OTOF: variants seen among roughly 807,000 people sequenced by gnomAD.
OTOF encodes fer-1-like family member 2.
Under a neutral mutation model 236.8 loss-of-function variants are expected in OTOF, and 218 were observed. The observed-to-expected ratio is 0.92, with a 90% CI of 0.82 to 1.03. OTOF has a LOEUF of 1.03. Ranked by LOEUF, OTOF falls within the 50% of genes least tolerant of loss-of-function variation. The pLI, the probability that OTOF is intolerant of heterozygous loss-of-function variation, is 0.00. For synonymous variants in OTOF, 1,041 were observed against 1,072.5 expected (o/e 0.97, Z 0.57); for missense variants, 2,590 against 2,694.4 (o/e 0.96, Z 0.86).
intron 1 of OTOF, among the ~76,000 whole-genome samples, chr2:26,547,085 G>A (rs942592605): frequency 6.6e-6 from 1 of 152,096 alleles, no homozygotes; most frequent in Non-Finnish European, 1.5e-5. Context: ...TGATCTTAAT[G>A]TTCAATATTT....
At chr2:26,518,429 C>T (rs1476022250) in intron 4 of OTOF, among the ~76,000 whole-genome samples, 1 of 152,202 alleles carries the variant, frequency 6.6e-6, no homozygotes, top group Non-Finnish European at 1.5e-5. Context: ...GCCAACTGCC[C>T]ATGAGTGGCC....
chr2:26,545,028 GA>G (rs1308921526), intron 1 of OTOF, among the ~76,000 whole-genome samples: 5 of 132,672 alleles, frequency 3.8e-5, no homozygotes. Flanking sequence ...GTGACAGAAC[GA>G]GATGCCATCC....
At position 26,461,844 on chromosome 2, in the gene OTOF, G is replaced by GA; in HGVS notation, c.5384dup (p.Phe1797LeufsTer45). The GA allele has an allele frequency of 6.2e-7, 1 of 1,614,186 alleles. No homozygotes were observed. Among genetic ancestry groups the GA allele is most frequent in the East Asian group, 2.2e-5 (1 of 44,884 alleles). On this transcript the variant is annotated frameshift_variant, in exon 43 of 47. Transcript: ENST00000272371. LOFTEE classifies it high-confidence loss of function. The surrounding 1 kb of genome is among the most constrained non-coding windows in gnomAD (Gnocchi z 6.2). ...CCTCCGCCGCCAGGTAGTCGAAGGG[G>GA]AACAGGTAGCGCCAGTTGAAGTTGC...
rs542260098 is a variant in OTOF, at chr2:26,480,260, C to T, written c.1855G>A (p.Ala619Thr). The T allele has an allele frequency of 6.1e-5, 98 of 1,612,982 alleles. No individual in the cohort carries two copies. Among genetic ancestry groups the T allele is most frequent in the Non-Finnish European group, 7.0e-5 (83 of 1,179,710 alleles). ...EFFLFGAFLE[A>T]SMIDRRNGDK... ...CCGTTTCTCCGGTCGATCATTGAGGCCTCCAGGAAGGCTCCAAAGAGAAAG... is the reference window on the plus strand; with the variant it reads ...CCGTTTCTCCGGTCGATCATTGAGGTCTCCAGGAAGGCTCCAAAGAGAAAG... Residue 619 changes from alanine (A) to threonine (T), a missense_variant, in exon 16 of 47, where the codon GCC becomes ACC. By Grantham distance (58) the Ala-to-Thr change is moderately conservative (BLOSUM62 0). Around this residue, in one of 2 missense-constraint regions of OTOF, gnomAD observed 1,379 missense variants for 1,341.6 expected, o/e 1.03. Transcript: ENST00000272371.
At position 26,484,521 on chromosome 2, in the gene OTOF, G is replaced by C. The variant is rs988295226; in HGVS notation, c.1158C>G (p.Ile386Met). 6.2e-7 allele frequency: 1 copy of C among 1,614,024 alleles called. No individual in the cohort carries two copies. The highest frequency in any genetic ancestry group is 1.3e-5 in the African/African-American group (1 of 75,054). ...DVAVVGKGDN[I>M]KTPHKANETD... is the part of the protein sequence containing the mutation. ...TCTCATTGGCCTTGTGGGGCGTCTT[G>C]ATGTTGTCCCCTTTGCCCACCACGG... The change falls in exon 12 of 47, where the codon ATC becomes ATG. Residue 386 changes from isoleucine (I) to methionine (M), a missense_variant. This residue lies in a region of OTOF where 1,379 missense variants were observed against 1,341.6 expected (regional missense o/e 1.03). Transcript: ENST00000272371.
chr2:26,514,397 G>T (rs1234879480), intron 5 of OTOF, among the ~76,000 whole-genome samples: 1 of 152,256 alleles, frequency 6.6e-6, no homozygotes, highest in East Asian at 1.9e-4. Flanking sequence ...GTGAGGAAGG[G>T]TCGGGGGAGC....
chr2:26,553,009 C>T (rs894734461), intron 1 of OTOF, among the ~76,000 whole-genome samples: 1 of 152,142 alleles, frequency 6.6e-6, no homozygotes, highest in Non-Finnish European at 1.5e-5. Context: ...CCAGGGGCGG[C>T]AGATAAGTTT....
chr2:26,459,349 G>A (rs1292529474), intron 46 of OTOF, among the ~76,000 whole-genome samples: 1 of 152,162 alleles, frequency 6.6e-6, no homozygotes, highest in South Asian at 2.1e-4. Flanking sequence ...TCAGGAGATC[G>A]AGACCATCCT....
At chr2:26,464,834 G>C in intron 39 of OTOF, 35 bp downstream of exon 39, 2 of 1,589,322 alleles carry the variant, frequency 1.3e-6, no homozygotes, top group Non-Finnish European at 1.7e-6. Flanking sequence ...ACCCCCTGGA[G>C]AGGGGGCAGG....
At chr2:26,527,112 G>A (rs1207912040) in intron 3 of OTOF, among the ~76,000 whole-genome samples, 2 of 152,186 alleles carry the variant, frequency 1.3e-5, no homozygotes, top group African/African-American at 2.4e-5. Flanking sequence ...TAGTGATAAC[G>A]CTCGTATGGC....
chr2:26,464,035 C>G lies in OTOF; in HGVS notation c.5032G>C (p.Gly1678Arg). The G allele has an allele frequency of 5.0e-6, 8 of 1,613,748 alleles. No homozygotes were observed. Among genetic ancestry groups the G allele is most frequent in the Non-Finnish European group, 6.8e-6 (8 of 1,180,026 alleles). ...ACATGCTCTGGCACCAGGCGGCAGCCTGCGCGGGGGATGTCCTCCCAGTGC... is the reference window on the plus strand; with the variant it reads ...ACATGCTCTGGCACCAGGCGGCAGCGTGCGCGGGGGATGTCCTCCCAGTGC... ...LRHWEDIPRA[G>R]CRLVPEHVET... The change falls in exon 40 of 47, where the codon GGC (glycine) becomes CGC (arginine). Residue 1678 changes from glycine to arginine, a missense_variant. This residue lies in a region of OTOF where 1,211 missense variants were observed against 1,352.8 expected (regional missense o/e 0.90). Transcript: ENST00000272371.
At position 26,477,745 on chromosome 2, in the gene OTOF, T is replaced by C; in HGVS notation, c.2219A>G (p.Glu740Gly). Residue 740 changes from glutamate (E) to glycine (G), a missense_variant, in exon 19 of 47, where the codon GAA (glutamate) becomes GGA (glycine). Glu to Gly is a moderately conservative substitution (Grantham distance 98). Coordinates refer to ENST00000272371, the MANE Select transcript of OTOF (RefSeq NM_194248.3). This position sits in a 1 kb window ranked among gnomAD's most constrained non-coding sequence, Gnocchi z 4.7. ...CATCTCCTGTATGTCGTTCAGGCCT[T>C]CTTCCTGTGAATCAGGAGTGTGGGT... ...IMDHIADKLE[E>G]GLNDIQEMIK... 1 of 1,612,712 alleles carries C rather than the reference T, an allele frequency of 6.2e-7. No homozygotes were observed. Among genetic ancestry groups the C allele is most frequent in the Non-Finnish European group, 8.5e-7 (1 of 1,179,926 alleles).
Position 26,473,375 on chromosome 2 carries a change from C to A in OTOF, c.3570+31G>T. ...TGGCTGAGTGGAGCCACACTGGCCACAGGATGTCCTCCGCCAGGGCCTGCA... is the reference window on the plus strand; with the variant it reads ...TGGCTGAGTGGAGCCACACTGGCCAAAGGATGTCCTCCGCCAGGGCCTGCA... On this transcript the variant is annotated intron_variant, in intron 28 of 46. Transcript: ENST00000272371. The surrounding 1 kb of genome is among the most constrained non-coding windows in gnomAD (Gnocchi z 7.2). 6.2e-7 allele frequency: 1 copy of A among 1,613,300 alleles called. No individual in the cohort carries two copies. Among genetic ancestry groups the A allele is most frequent in the Non-Finnish European group, 8.5e-7 (1 of 1,179,972 alleles).
chr2:26,536,716 G>A (rs1174466679), intron 2 of OTOF, among the ~76,000 whole-genome samples: 3 of 152,168 alleles, frequency 2.0e-5, no homozygotes, highest in African/African-American at 4.8e-5. Flanking sequence ...CCAAGCGGGA[G>A]AGCCAACCCC....
intron 9 of OTOF, among the ~76,000 whole-genome samples, chr2:26,491,249 T>A (rs2148068398): frequency 6.6e-6 from 1 of 152,124 alleles, no homozygotes; most frequent in Admixed American, 6.5e-5. Context: ...AACAGCAATG[T>A]CCTTGGTGAC....
At chr2:26,543,529 C>A (rs773142496) in intron 1 of OTOF, among the ~76,000 whole-genome samples, 9 of 152,158 alleles carry the variant, frequency 5.9e-5, no homozygotes, top group Non-Finnish European at 1.2e-4. Context: ...AGTTCAAATC[C>A]CAGCTGCCTC....
At chr2:26,549,694 A>G (rs1485297532) in intron 1 of OTOF, among the ~76,000 whole-genome samples, 2 of 152,196 alleles carry the variant, frequency 1.3e-5, no homozygotes, top group Non-Finnish European at 2.9e-5. Context: ...TGGGTCAGGG[A>G]TTCATCTGAG....
chr2:26,550,752 G>C (rs1667440929), intron 1 of OTOF, among the ~76,000 whole-genome samples: 1 of 152,138 alleles, frequency 6.6e-6, no homozygotes, highest in Non-Finnish European at 1.5e-5. Context: ...CCCTCCGCCT[G>C]CCCCGGGCTT....
chr2:26,510,665 C>T (rs1572463447), intron 5 of OTOF: 2 of 1,256,522 alleles, frequency 1.6e-6, no homozygotes, highest in African/African-American at 1.5e-5. Flanking sequence ...TCTGTCTCCC[C>T]AGAGACGCTG....
Sources: allele counts gnomAD v4.1 joint callset (sites outside exome capture counted in the v4.1 genomes callset), GRCh38; gene constraint gnomAD v4.1.1; regional missense constraint gnomAD v4.1.1; non-coding constraint Gnocchi (gnomAD v3.1); transcripts MANE v1.5; gene names NCBI Gene and HGNC (gene_info 2026-07-23, HGNC 2026-07-21).